The following TMEM260 variants were observed in gnomAD, a reference collection of about 807,000 sequenced individuals.
TMEM260 encodes protein O-mannosyl-transferase TMEM260.
In TMEM260, 82 loss-of-function variants were observed where a neutral mutation model predicts 88.9. The observed-to-expected ratio is 0.92, with a 90% CI of 0.77 to 1.11. The LOEUF is 1.11. TMEM260 is among the 50% of genes least tolerant of loss of function. The probability of loss-of-function intolerance (pLI) is 0.00; values close to 1 mark genes in which losing one functional copy is unlikely to be tolerated. For missense variants in TMEM260, 902 were observed against 853.4 expected, an observed-to-expected ratio of 1.06 and a Z score of -0.71; for synonymous variants, 314 against 309.3, an observed-to-expected ratio of 1.02 and a Z score of -0.16.
At chr14:56,640,057 C>A (rs1271809012) in intron 15 of TMEM260, among the ~76,000 whole-genome samples, 3 of 152,218 alleles carry the variant, frequency 2.0e-5, no homozygotes, top group African/African-American at 7.2e-5. Flanking sequence ...TCTGTAGGCT[C>A]CACCTGTTGG....
chr14:56,612,203 G>A (rs778604082), intron 6 of TMEM260, 42 bp from the exon 7 acceptor site: 4 of 1,571,770 alleles, frequency 2.5e-6, no homozygotes, highest in South Asian at 2.2e-5. Context: ...TAAAGCGTCA[G>A]TTTAATGCTT....
chr14:56,617,061 T>G, intron 8 of TMEM260, 122 bp from the exon 9 acceptor site: 2 of 512,766 alleles, frequency 3.9e-6, no homozygotes, highest in African/African-American at 4.0e-5. Flanking sequence ...AACCGAAATC[T>G]CTCTTTGCTC....
chr14:56,639,077 G>A (rs1000239277), intron 15 of TMEM260, among the ~76,000 whole-genome samples: 2 of 152,174 alleles, frequency 1.3e-5, no homozygotes, highest in African/African-American at 2.4e-5. Context: ...TCATGAATGA[G>A]CCTCCATTCT....
chr14:56,621,497 T>G (rs747257882), intron 10 of TMEM260, 34 bp from the exon 11 acceptor site: 2 of 1,541,556 alleles, frequency 1.3e-6, no homozygotes, highest in East Asian at 4.5e-5. Flanking sequence ...AGCAAAGTGT[T>G]GCTATTTTAA....
chr14:56,593,985 C>T (rs1398172800), intron 3 of TMEM260, among the ~76,000 whole-genome samples: 2 of 152,002 alleles, frequency 1.3e-5, no homozygotes, highest in Non-Finnish European at 2.9e-5. Flanking sequence ...CCGCGCCCGG[C>T]CGTGAGTGTC....
rs573986643 is a variant in TMEM260 at position 56,580,120 on chromosome 14, C to T, written c.160+46C>T. On this transcript the variant is annotated intron_variant, in intron 1 of 15. Transcript: ENST00000261556. ...CCCCTTCTGTCCCTCTCCCCTGGTC[C>T]CAGAACGGGCAGGGTCTGCGTCTGG... 4.8e-6 allele frequency: 6 copies of T among 1,242,934 alleles called. No homozygotes were observed. The African/African-American group carries it at 9.3e-5, about 19-fold the overall frequency. 77.0% of individuals were successfully genotyped at this position (1,242,934 alleles called of 1,614,324 possible).
Position 56,579,926 on chromosome 14 carries a change from T to C in TMEM260, c.12T>C (p.His4=), listed in dbSNP as rs898842738. 3 of 1,234,580 alleles carry C rather than the reference T, an allele frequency of 2.4e-6. No homozygotes were observed. The highest frequency in any genetic ancestry group is 3.0e-6 in the Non-Finnish European group (3 of 987,948). 76.5% of individuals were successfully genotyped at this position (1,234,580 alleles called of 1,614,324 possible). Residue 4 remains histidine (H), a synonymous_variant, in exon 1 of 16, where the codon CAT becomes CAC. Coordinates refer to ENST00000261556, the MANE Select transcript of TMEM260 (RefSeq NM_017799.4). ...GTCGCCACTGGCCCATGAGTCCCCA[T>C]GGCGACGGCAGGGGCCAGGCCCAGG... The part of the protein sequence containing the change: MSP[H]GDGRGQAQGR...
chr14:56,657,886 C>A, the TMEM260 span, among the ~76,000 whole-genome samples: 1,439 of 152,320 alleles, frequency 9.4e-3, 11 homozygotes, highest in Non-Finnish European at 0.016. Context: ...ATGAGTAATT[C>A]TCTGCTTTCT....
the TMEM260 span, among the ~76,000 whole-genome samples, chr14:56,657,776 C>T: frequency 5.3e-5 from 8 of 152,322 alleles, no homozygotes; most frequent in East Asian, 1.5e-3. Flanking sequence ...CTATCTGGAG[C>T]TTTGCTGAAT....
chr14:56,599,363 C>G (rs1886429916), intron 3 of TMEM260, among the ~76,000 whole-genome samples: 1 of 152,128 alleles, frequency 6.6e-6, no homozygotes, highest in Non-Finnish European at 1.5e-5. Context: ...GCAGACCTAT[C>G]CACAGCCATG....
At chr14:56,655,544 G>A (rs1256628737), downstream of TMEM260, among the ~76,000 whole-genome samples, 2 of 152,146 alleles carry the variant, frequency 1.3e-5, no homozygotes, top group Non-Finnish European at 2.9e-5. Context: ...CTATTTCACA[G>A]GGTTCGCTTT....
chr14:56,652,489 CA>C (rs34203722), downstream of TMEM260, among the ~76,000 whole-genome samples: 24,477 of 115,006 alleles, frequency 0.21, 2,041 homozygotes, highest in East Asian at 0.32. Context: ...CAGAGTGTCT[CA>C]AAAAAAAAAA....
chr14:56,633,858 GAATT>G (rs1350054259), intron 13 of TMEM260, among the ~76,000 whole-genome samples: 1 of 152,064 alleles, frequency 6.6e-6, no homozygotes, highest in Non-Finnish European at 1.5e-5. Context: ...TTAAAGTTAT[GAATT>G]ATTTAAAGAT....
At chr14:56,587,544 C>G (rs1156274416) in intron 3 of TMEM260, among the ~76,000 whole-genome samples, 1 of 151,916 alleles carries the variant, frequency 6.6e-6, no homozygotes, top group Non-Finnish European at 1.5e-5. Context: ...TAACGCTTTT[C>G]TTTTAATATG....
intron 3 of TMEM260, among the ~76,000 whole-genome samples, chr14:56,598,138 G>A (rs1042717483): frequency 3.9e-5 from 6 of 152,046 alleles, no homozygotes; most frequent in Non-Finnish European, 8.8e-5. Flanking sequence ...AGTGACTCTA[G>A]CCACCTAGAG....
intron 12 of TMEM260, among the ~76,000 whole-genome samples, chr14:56,627,258 T>G (rs1888297756): frequency 6.6e-6 from 1 of 152,136 alleles, no homozygotes; most frequent in Non-Finnish European, 1.5e-5. Context: ...TTTCATGTGC[T>G]TGTTACAGAA....
intron 3 of TMEM260, among the ~76,000 whole-genome samples, chr14:56,593,675 G>GTTTT (rs1886011437): frequency 2.4e-5 from 2 of 83,252 alleles, no homozygotes; most frequent in South Asian, 4.7e-4. Context: ...ACAGGTGAGT[G>GTTTT]TCTTTTTTTT....
At chr14:56,653,335 ATGTG>A (rs1373811079), downstream of TMEM260, among the ~76,000 whole-genome samples, 12 of 152,308 alleles carry the variant, frequency 7.9e-5, no homozygotes, top group Admixed American at 6.5e-4. Context: ...TATGTCATAT[ATGTG>A]TGTATGTAAA....
chr14:56,661,184 G>C, the TMEM260 span, among the ~76,000 whole-genome samples: 1 of 152,034 alleles, frequency 6.6e-6, no homozygotes, highest in African/African-American at 2.4e-5. Flanking sequence ...CCCTGGGCCA[G>C]GTACCAGCCT....
Sources: allele counts gnomAD v4.1 joint callset (sites outside exome capture counted in the v4.1 genomes callset), GRCh38; gene constraint gnomAD v4.1.1; transcripts MANE v1.5; gene names NCBI Gene and HGNC (gene_info 2026-07-23, HGNC 2026-07-21).